The following ENOX1 variants were observed in gnomAD, a reference collection of about 807,000 sequenced individuals.
ENOX1 encodes ecto-NOX disulfide-thiol exchanger 1.
ENOX1 carries 42 observed loss-of-function variants against 82.5 expected under a neutral mutation model. That is an observed-to-expected ratio of 0.51 (90% CI 0.40 to 0.66). The LOEUF is 0.66. ENOX1 is among the 30% of genes least tolerant of loss of function. ENOX1 has a pLI of 0.00. For synonymous variants in ENOX1, 271 were observed against 282.2 expected, an observed-to-expected ratio of 0.96 and a Z score of 0.40; for missense variants, 608 against 811.6, an observed-to-expected ratio of 0.75 and a Z score of 3.05.
chr13:43,754,339 T>A (rs913437125), intron 1 of ENOX1, among the ~76,000 whole-genome samples: 22 of 146,288 alleles, frequency 1.5e-4, no homozygotes, highest in African/African-American at 4.9e-4. Context: ...ATATATATAT[T>A]ATTATTATTA....
At chr13:43,506,913 T>C (rs190534110) in intron 2 of ENOX1, among the ~76,000 whole-genome samples, 1,973 of 150,950 alleles carry the variant, frequency 0.013, 44 homozygotes, top group African/African-American at 0.046. Flanking sequence ...GTGCAGCACA[T>C]CAACATGGCA....
intron 3 of ENOX1, among the ~76,000 whole-genome samples, chr13:43,436,543 T>C (rs185241568): frequency 6.6e-6 from 1 of 152,284 alleles, no homozygotes; most frequent in African/African-American, 2.4e-5. Flanking sequence ...TGAACCAGGA[T>C]AGGAATGGCA....
chr13:43,460,434 A>G (rs9567194), intron 3 of ENOX1, among the ~76,000 whole-genome samples: 19,475 of 152,064 alleles, frequency 0.13, 1,848 homozygotes, highest in East Asian at 0.49. Flanking sequence ...GTGTGTTGGT[A>G]GTAGGATGGC....
intron 11 of ENOX1, among the ~76,000 whole-genome samples, chr13:43,304,515 T>C (rs1223294520): frequency 6.6e-6 from 1 of 152,172 alleles, no homozygotes; most frequent in Non-Finnish European, 1.5e-5. Flanking sequence ...GTGGCTAGTT[T>C]GCTCCTAACA....
intron 15 of ENOX1, among the ~76,000 whole-genome samples, chr13:43,234,076 A>G (rs985365469): frequency 6.6e-6 from 1 of 152,186 alleles, no homozygotes; most frequent in Non-Finnish European, 1.5e-5. Context: ...CTGTATCTAG[A>G]TTCCAGAAGC....
intron 2 of ENOX1, among the ~76,000 whole-genome samples, chr13:43,502,953 T>TA (rs1188452641): frequency 6.6e-6 from 1 of 151,562 alleles, no homozygotes; most frequent in African/African-American, 2.4e-5. Context: ...GACATGATTT[T>TA]ATATACAGAA....
At chr13:43,662,587 T>C (rs1652151669) in intron 2 of ENOX1, among the ~76,000 whole-genome samples, 1 of 152,202 alleles carries the variant, frequency 6.6e-6, no homozygotes, top group African/African-American at 2.4e-5. Context: ...ACAATTATTC[T>C]TCCCTCTAAG....
intron 1 of ENOX1, among the ~76,000 whole-genome samples, chr13:43,754,151 CATATGTAT>C (rs1254332822): frequency 1.1e-5 from 1 of 90,140 alleles, no homozygotes; most frequent in African/African-American, 3.6e-5. Flanking sequence ...CACATATATA[CATATGTAT>C]ATATGTATAC....
chr13:43,318,855 A>G (rs2047656892), intron 11 of ENOX1, among the ~76,000 whole-genome samples: 1 of 152,218 alleles, frequency 6.6e-6, no homozygotes, highest in South Asian at 2.1e-4. Flanking sequence ...CTCTCACAAT[A>G]CTAAAACGTA....
chr13:43,442,315 G>A (rs2056405445), intron 3 of ENOX1, among the ~76,000 whole-genome samples: 1 of 152,210 alleles, frequency 6.6e-6, no homozygotes, highest in Non-Finnish European at 1.5e-5. Flanking sequence ...CAGAACCTCA[G>A]TCTAAAAGCA....
chr13:43,577,652 A>T (rs2080504996), intron 2 of ENOX1, among the ~76,000 whole-genome samples: 1 of 152,072 alleles, frequency 6.6e-6, no homozygotes, highest in South Asian at 2.1e-4. Flanking sequence ...CACAACCCAA[A>T]ATCCTCCCAA....
intron 9 of ENOX1, among the ~76,000 whole-genome samples, chr13:43,342,905 G>A (rs577841301): frequency 8.5e-5 from 13 of 152,246 alleles, no homozygotes; most frequent in African/African-American, 3.1e-4. Flanking sequence ...CCACATCACA[G>A]GGGCATTTTA....
At chr13:43,395,205 A>G (rs765069820) in intron 5 of ENOX1, among the ~76,000 whole-genome samples, 1 of 152,244 alleles carries the variant, frequency 6.6e-6, no homozygotes, top group Non-Finnish European at 1.5e-5. Flanking sequence ...GGGGCAGATC[A>G]CTAACATTTA....
chr13:43,279,965 T>A (rs1392722338), intron 12 of ENOX1, among the ~76,000 whole-genome samples: 1 of 152,248 alleles, frequency 6.6e-6, no homozygotes, highest in African/African-American at 2.4e-5. Flanking sequence ...GGAACATGTA[T>A]CAGTGACATT....
chr13:43,271,092 T>A (rs1355774885), intron 12 of ENOX1, among the ~76,000 whole-genome samples: 1 of 152,200 alleles, frequency 6.6e-6, no homozygotes, highest in African/African-American at 2.4e-5. Flanking sequence ...TTTTACTTCA[T>A]GAGACGATTT....
intron 1 of ENOX1, among the ~76,000 whole-genome samples, chr13:43,763,906 T>G (rs532365723): frequency 6.6e-6 from 1 of 152,304 alleles, no homozygotes; most frequent in South Asian, 2.1e-4. Context: ...AAGAGTTACA[T>G]GTATTATCAC....
At position 43,274,625 on chromosome 13, in the gene ENOX1, T is replaced by C. The variant is rs185234680; in HGVS notation, c.1447-5048A>G. Among the ~76,000 whole-genome samples, 10 of 152,346 alleles carry C rather than the reference T, an allele frequency of 6.6e-5. No homozygotes were observed. In the East Asian group the frequency reaches 1.7e-3, roughly 26 times the overall value. On this transcript the variant is annotated intron_variant, in intron 12 of 16. Transcript: ENST00000690772. ...TAATCAGAAGAGTCTCTTGGTTGGA[T>C]TGGCTGATGGCAGCGTAATTTTAAC...
chr13:43,562,828 A>G (rs2079743398), intron 2 of ENOX1, among the ~76,000 whole-genome samples: 1 of 152,156 alleles, frequency 6.6e-6, no homozygotes, highest in Non-Finnish European at 1.5e-5. Flanking sequence ...TCTATGGGTC[A>G]ATTCAGCAAG....
chr13:43,653,136 G>T (rs1041090996), intron 2 of ENOX1, among the ~76,000 whole-genome samples: 1 of 152,304 alleles, frequency 6.6e-6, no homozygotes, highest in East Asian at 1.9e-4. Context: ...ACAATATGCT[G>T]CTCTGCTACT....
Sources: allele counts gnomAD v4.1 joint callset (sites outside exome capture counted in the v4.1 genomes callset), GRCh38; gene constraint gnomAD v4.1.1; transcripts MANE v1.5; gene names NCBI Gene and HGNC (gene_info 2026-07-23, HGNC 2026-07-21).